The following SOX6 variants were observed in gnomAD, a reference collection of about 807,000 sequenced individuals.
SOX6 encodes the protein SRY-box transcription factor 6.
Under a neutral mutation model 97.8 loss-of-function variants are expected in SOX6, and 11 were observed. The observed-to-expected ratio is 0.11, with a 90% confidence interval of 0.07 to 0.19. The LOEUF is 0.19. Ranked by LOEUF, SOX6 falls within the 10% of genes least tolerant of loss-of-function variation. SOX6 has a pLI of 1.00. For synonymous variants in SOX6, 360 were observed against 371.4 expected, an observed-to-expected ratio of 0.97 and a Z score of 0.35; for missense variants, 810 against 1,039.5, an observed-to-expected ratio of 0.78 and a Z score of 3.04.
In SOX6 at chr11:16,186,937, G is replaced by T. The variant is rs1006036496; in HGVS notation, c.554C>A (p.Ala185Glu). Residue 185 changes from alanine (A) to glutamate (E), a missense_variant, in exon 5 of 16, where the codon GCA (alanine) becomes GAA (glutamate). Ala to Glu is a moderately radical substitution (Grantham distance 107). Around this residue, in one of 9 missense-constraint regions of SOX6, gnomAD observed 110 missense variants for 119.0 expected, o/e 0.92. Transcript: ENST00000683767. ...GEIKGTPESL[A>E]EKERQLSTMI... ...GGTGGAGAGCTGCCGTTCTTTTTCT[G>T]CCAGGCTCTCAGGTGTACCTAAAAT... The T allele has an allele frequency of 3.7e-6, 6 of 1,613,584 alleles. No individual in the cohort carries two copies. Among genetic ancestry groups the T allele is most frequent in the Middle Eastern group, 1.6e-4 (1 of 6,074 alleles).
At chr11:16,631,201 G>C (rs1848702793) in intron 3 of SOX6, among the ~76,000 whole-genome samples, 1 of 151,258 alleles carries the variant, frequency 6.6e-6, no homozygotes, top group African/African-American at 2.4e-5. Context: ...ACCTAAGTGT[G>C]TTTTGGTGGT....
At chr11:16,203,379 G>A (rs1371083449) in intron 4 of SOX6, among the ~76,000 whole-genome samples, 1 of 152,098 alleles carries the variant, frequency 6.6e-6, no homozygotes, top group Non-Finnish European at 1.5e-5. Context: ...GCAAGGAGAT[G>A]AATGAAACAA....
At chr11:16,028,958 C>T (rs755743366) in intron 12 of SOX6, among the ~76,000 whole-genome samples, 3 of 152,128 alleles carry the variant, frequency 2.0e-5, no homozygotes, top group Non-Finnish European at 4.4e-5. Flanking sequence ...AAACAAGGCT[C>T]GTCATCTTCA....
intron 3 of SOX6, among the ~76,000 whole-genome samples, chr11:16,663,597 T>G (rs1452859512): frequency 6.6e-6 from 1 of 152,232 alleles, no homozygotes; most frequent in Non-Finnish European, 1.5e-5. Context: ...ATTACAGGCA[T>G]GAGCCACCAT....
chr11:16,292,867 C>T (rs1264843688), intron 3 of SOX6, among the ~76,000 whole-genome samples: 3 of 152,132 alleles, frequency 2.0e-5, no homozygotes, highest in Non-Finnish European at 4.4e-5. Flanking sequence ...AATAGTTTAA[C>T]GCTCGGTGCT....
chr11:16,600,740 C>A (rs1226412503), intron 4 of SOX6, among the ~76,000 whole-genome samples: 1 of 152,014 alleles, frequency 6.6e-6, no homozygotes, highest in Non-Finnish European at 1.5e-5. Flanking sequence ...TACCCTTTTC[C>A]ACAGAACAAG....
At chr11:16,190,874 AC>A (rs1851612946) in intron 4 of SOX6, among the ~76,000 whole-genome samples, 1 of 152,160 alleles carries the variant, frequency 6.6e-6, no homozygotes, top group African/African-American at 2.4e-5. Context: ...AGCATTTAAG[AC>A]CTATAATGCA....
In SOX6 at chr11:15,972,938, G is replaced by C; in HGVS notation, c.2358C>G (p.Gly786=). The change falls in exon 16 of 16, where the codon GGC becomes GGG. Residue 786 remains glycine (G), a synonymous_variant. Coordinates refer to ENST00000683767, the MANE Select transcript of SOX6 (RefSeq NM_001367873.1). ...IQSTYGMKTD[G]GSLAGNEMIN... The stretch of plus-strand genomic sequence containing the variant: ...TCATTTCATTTCCAGCTAGGCTTCC[G>C]CCATCTGTCTTCATACCATAAGTGC... 1 of 1,614,098 alleles carries C rather than the reference G, an allele frequency of 6.2e-7. No individual in the cohort carries two copies. The highest frequency in any genetic ancestry group is 8.5e-7 in the Non-Finnish European group (1 of 1,180,014).
At chr11:16,211,298 G>A (rs1852220796) in intron 4 of SOX6, among the ~76,000 whole-genome samples, 1 of 152,012 alleles carries the variant, frequency 6.6e-6, no homozygotes, top group Non-Finnish European at 1.5e-5. Context: ...TAAAAGGTTA[G>A]TCTGGCTTCT....
Position 16,024,019 on chromosome 11 carries a change from C to T in SOX6, c.1624-8969G>A, listed in dbSNP as rs967691710. 2.6e-5 allele frequency among the ~76,000 whole-genome samples: 4 copies of T among 152,122 alleles called. 1 individual carries two copies. The highest frequency in any genetic ancestry group is 2.4e-5 in the African/African-American group (1 of 41,508). On this transcript the variant is annotated intron_variant, in intron 12 of 15. Coordinates refer to ENST00000683767, the MANE Select transcript of SOX6 (RefSeq NM_001367873.1). ...CTCAGAATGTGACTGTATTTGGAGA[C>T]GGGGCCTTTAAAGCAGTGGTTAGGT...
At chr11:16,434,115 T>C (rs1020507606) in intron 1 of SOX6, 28 of 152,232 alleles carry the variant, frequency 1.8e-4, no homozygotes, top group African/African-American at 6.7e-4. Flanking sequence ...TATTTTAAAG[T>C]AGGAAAACAG....
At chr11:16,097,453 C>T (rs1848828687) in intron 8 of SOX6, among the ~76,000 whole-genome samples, 156 bp downstream of exon 8, 1 of 151,844 alleles carries the variant, frequency 6.6e-6, no homozygotes, top group Admixed American at 6.6e-5. Context: ...GTTTTCTCTT[C>T]TATTTGCATT....
intron 4 of SOX6, among the ~76,000 whole-genome samples, chr11:16,232,270 A>C (rs1345302609): frequency 6.6e-6 from 1 of 151,940 alleles, no homozygotes; most frequent in Admixed American, 6.6e-5. Flanking sequence ...TTTCAATACT[A>C]TTTTAACTGA....
chr11:15,996,584 G>T (rs536180814), intron 13 of SOX6, among the ~76,000 whole-genome samples: 1 of 152,152 alleles, frequency 6.6e-6, no homozygotes. Context: ...CTGCACTCCA[G>T]CCTGGGTGAT....
intron 4 of SOX6, among the ~76,000 whole-genome samples, chr11:16,493,901 A>G (rs187975512): frequency 6.6e-6 from 1 of 152,160 alleles, no homozygotes; most frequent in African/African-American, 2.4e-5. Context: ...CCATAATTCC[A>G]TCTCTAGAAA....
chr11:16,540,457 G>C (rs1861388120), intron 4 of SOX6, among the ~76,000 whole-genome samples: 1 of 152,104 alleles, frequency 6.6e-6, no homozygotes, highest in African/African-American at 2.4e-5. Context: ...CATAGTGTTG[G>C]AAGTTCTGGC....
chr11:16,004,700 C>T (rs1854500273), intron 13 of SOX6, among the ~76,000 whole-genome samples: 1 of 151,848 alleles, frequency 6.6e-6, no homozygotes, highest in African/African-American at 2.4e-5. Flanking sequence ...AAATTTTCTG[C>T]TTTTTAATGA....
intron 4 of SOX6, among the ~76,000 whole-genome samples, chr11:16,594,744 G>A: frequency 8.9e-6 from 1 of 111,918 alleles, no homozygotes; most frequent in East Asian, 3.1e-4. Context: ...AGGCTGTAGT[G>A]CAGTGGCGTG....
At chr11:16,211,593 G>C (rs1852235502) in intron 4 of SOX6, among the ~76,000 whole-genome samples, 1 of 152,158 alleles carries the variant, frequency 6.6e-6, no homozygotes, top group Admixed American at 6.5e-5. Context: ...TGAGAGAATG[G>C]TTCCTGGAAT....
Sources: gnomAD v4.1 joint callset for allele counts (sites outside exome capture counted in the v4.1 genomes callset) on GRCh38, gnomAD v4.1.1 for gene constraint, gnomAD v4.1.1 regional missense constraint, MANE v1.5 for transcripts, NCBI Gene and HGNC (gene_info 2026-07-23, HGNC 2026-07-21) for gene names.